DYNC2H1: variants seen among roughly 807,000 people sequenced by gnomAD.
DYNC2H1 encodes the protein dynein cytoplasmic 2 heavy chain 1.
In DYNC2H1, 410 loss-of-function variants were observed where a neutral mutation model predicts 570.0. The ratio of observed to expected loss-of-function variants is 0.72; its 90% CI spans 0.66 to 0.78. The LOEUF (loss-of-function observed/expected upper bound fraction) is 0.78. Ranked by LOEUF, DYNC2H1 falls within the 30% of genes least tolerant of loss-of-function variation. The pLI is 0.00. For missense variants in DYNC2H1, 4,865 were observed against 5,046.4 expected (o/e 0.96, Z 1.09); for synonymous variants, 1,688 against 1,677.6 (o/e 1.01, Z -0.15).
intron 84 of DYNC2H1, among the ~76,000 whole-genome samples, chr11:103,428,185 C>G (rs1328474330): frequency 7.4e-6 from 1 of 134,730 alleles, no homozygotes; most frequent in Non-Finnish European, 1.6e-5. Flanking sequence ...ATAACATGAG[C>G]TTTTTTTTTT....
In DYNC2H1 at chr11:103,327,508, T is replaced by G. The variant is rs186384097; in HGVS notation, c.12039+3518T>G. ...ATCAATAGAAGTTCAAAACCTTCTC[T>G]TGAAAGTTCTATTATTAACAGAACA... On this transcript the variant is annotated intron_variant, in intron 82 of 88. Coordinates refer to ENST00000375735, the MANE Select transcript of DYNC2H1 (RefSeq NM_001377.3). Among the ~76,000 whole-genome samples, 204 of 152,296 alleles carry G rather than the reference T, an allele frequency of 1.3e-3. 3 individuals carry two copies. The highest frequency in any genetic ancestry group is 4.5e-3 in the African/African-American group (187 of 41,572).
rs376537087 is a variant in DYNC2H1, at chr11:103,243,921, T to C, written c.9918+130T>C. ...TGTATGGGACCTTGGGCGAGAGATA[T>C]AACTCTTAGCTTCAGTTTTCTAATT... On this transcript the variant is annotated intron_variant, in intron 64 of 88. Transcript: ENST00000375735. This position sits in a 1 kb window ranked among gnomAD's most constrained non-coding sequence, Gnocchi z 4.8. The C allele has an allele frequency of 3.4e-5, 18 of 529,368 alleles. 1 individual carries two copies. In the South Asian group the frequency reaches 6.9e-4, roughly 20 times the overall value. 32.8% of individuals were successfully genotyped at this position (529,368 alleles called of 1,614,324 possible).
intron 18 of DYNC2H1, among the ~76,000 whole-genome samples, chr11:103,147,558 G>C (rs905833736): frequency 1.3e-5 from 2 of 151,988 alleles, no homozygotes; most frequent in African/African-American, 4.8e-5. Flanking sequence ...TAAACTTCTA[G>C]TATTGTAACA....
chr11:103,273,915 A>G (rs1452499565), intron 70 of DYNC2H1, among the ~76,000 whole-genome samples: 1 of 152,142 alleles, frequency 6.6e-6, no homozygotes, highest in Non-Finnish European at 1.5e-5. Flanking sequence ...TTGTCTACAT[A>G]TTATGTGCCT....
In DYNC2H1 at chr11:103,355,336, C is replaced by T. The variant is rs935955343; in HGVS notation, c.12040-2907C>T. 3.3e-5 allele frequency among the ~76,000 whole-genome samples: 5 copies of T among 151,876 alleles called. No homozygotes were observed. The South Asian group carries it at 6.2e-4, about 19-fold the overall frequency. On this transcript the variant is annotated intron_variant, in intron 82 of 88. Coordinates refer to ENST00000375735, the MANE Select transcript of DYNC2H1 (RefSeq NM_001377.3). ...TCTTATTCCAAAAAAGAATTACTGG[C>T]AGTGACTAACAAAAATGTAAATAAT...
chr11:103,283,034 G>T lies in DYNC2H1; in HGVS notation c.10839G>T (p.Gln3613His), dbSNP rs1405296143. ...ACTCTCAACAAAAAATACGTGATCA[G>T]CTTCCGTCTTGGATAGATCAGGAAC... ...KADSQQKIRDQLPSWIDQERS... is the reference protein window; with the variant it reads ...KADSQQKIRDHLPSWIDQERS... The change falls in exon 73 of 89, where the codon CAG (glutamine) becomes CAT (histidine). Residue 3613 changes from glutamine to histidine, a missense_variant. Gln to His is a conservative substitution (Grantham distance 24). This residue lies in a region of DYNC2H1 where 2,401 missense variants were observed against 2,454.6 expected (regional missense o/e 0.98). Transcript: ENST00000375735. 2 of 1,604,948 alleles carry T rather than the reference G, an allele frequency of 1.2e-6. No individual in the cohort carries two copies. The highest frequency in any genetic ancestry group is 8.5e-7 in the Non-Finnish European group (1 of 1,175,658).
intron 82 of DYNC2H1, among the ~76,000 whole-genome samples, chr11:103,341,566 A>T (rs1212808878): frequency 1.3e-5 from 2 of 152,062 alleles, no homozygotes; most frequent in African/African-American, 4.8e-5. Flanking sequence ...TGGAATCTAT[A>T]TTTTTTTACA....
chr11:103,443,068 T>C (rs1188658279), intron 85 of DYNC2H1, among the ~76,000 whole-genome samples: 1 of 151,922 alleles, frequency 6.6e-6, no homozygotes, highest in African/African-American at 2.4e-5. Flanking sequence ...GTATGCCATA[T>C]ACTTTTATTT....
chr11:103,143,475 A>G, intron 18 of DYNC2H1, 80 bp downstream of exon 18: 3 of 1,382,750 alleles, frequency 2.2e-6, no homozygotes, highest in Non-Finnish European at 9.5e-7. Context: ...ACTTAGTGGC[A>G]TTGAAGTCAC....
chr11:103,123,927 A>G (rs1858855042), intron 11 of DYNC2H1, among the ~76,000 whole-genome samples: 1 of 152,144 alleles, frequency 6.6e-6, no homozygotes, highest in Admixed American at 6.6e-5. Context: ...TTTGAAGATC[A>G]ATCCTGAATA....
At position 103,181,079 on chromosome 11, in the gene DYNC2H1, A is replaced by G. The variant is rs1405116148; in HGVS notation, c.6348-678A>G. 6.6e-6 allele frequency among the ~76,000 whole-genome samples: 1 copy of G among 151,518 alleles called. No individual in the cohort carries two copies. The highest frequency in any genetic ancestry group is 2.4e-5 in the African/African-American group (1 of 41,374). ...AATTTTGAATAAGATGTGAATCTCTATTATTTCACCAATTGGATTTTGGTG... is the reference window on the plus strand; with the variant it reads ...AATTTTGAATAAGATGTGAATCTCTGTTATTTCACCAATTGGATTTTGGTG... On this transcript the variant is annotated intron_variant, in intron 39 of 88. Coordinates refer to ENST00000375735, the MANE Select transcript of DYNC2H1 (RefSeq NM_001377.3). This position sits in a 1 kb window ranked among gnomAD's most constrained non-coding sequence, Gnocchi z 5.0.
chr11:103,173,265 G>C lies in DYNC2H1; in HGVS notation c.5518G>C (p.Val1840Leu). 2 of 1,588,396 alleles carry C rather than the reference G, an allele frequency of 1.3e-6. No individual in the cohort carries two copies. Among genetic ancestry groups the C allele is most frequent in the Non-Finnish European group, 1.7e-6 (2 of 1,168,824 alleles). The change falls in exon 35 of 89, where the codon GTA becomes CTA. Residue 1840 changes from valine to leucine, a missense_variant. Physicochemically the swap from Val to Leu is conservative, Grantham distance 32. Coordinates refer to ENST00000375735, the MANE Select transcript of DYNC2H1 (RefSeq NM_001377.3). The stretch of plus-strand genomic sequence containing the variant: ...TTCGGAAGGCTTTAAAGACGCTAAA[G>C]TATTGAGCAGAAAATTGGTAGCTAT... ...LYSEGFKDAK[V>L]LSRKLVAIFN... is the part of the protein sequence containing the mutation.
intron 1 of DYNC2H1, among the ~76,000 whole-genome samples, chr11:103,111,171 A>T (rs568419361): frequency 1.3e-5 from 2 of 152,178 alleles, no homozygotes; most frequent in Non-Finnish European, 2.9e-5. Flanking sequence ...CCTATTCACT[A>T]TCTTTATTCT....
At chr11:103,310,655 A>G (rs986308399) in intron 78 of DYNC2H1, among the ~76,000 whole-genome samples, 12 of 140,200 alleles carry the variant, frequency 8.6e-5, no homozygotes, top group Non-Finnish European at 1.5e-4. Flanking sequence ...GGTACTTAAT[A>G]CTTCAGTAGT....
At chr11:103,459,382 G>A (rs533468202) in intron 87 of DYNC2H1, among the ~76,000 whole-genome samples, 1 of 146,952 alleles carries the variant, frequency 6.8e-6, no homozygotes, top group East Asian at 2.0e-4. Flanking sequence ...ATTTGTTTTC[G>A]TATTACTACT....
Position 103,268,510 on chromosome 11 carries a change from G to A in DYNC2H1, c.10695+8533G>A, listed in dbSNP as rs934325023. Among the ~76,000 whole-genome samples the A allele has an allele frequency of 4.0e-5, 6 of 151,778 alleles. No homozygotes were observed. Among genetic ancestry groups the A allele is most frequent in the Non-Finnish European group, 8.8e-5 (6 of 67,816 alleles). On this transcript the variant is annotated intron_variant, in intron 70 of 88. Transcript: ENST00000375735. The surrounding 1 kb of genome is among the most constrained non-coding windows in gnomAD (Gnocchi z 4.6). ...ATTTGTATGAGTAGTTTTTTTAAAT[G>A]TAGTTTTAATCTGTTTTATTTTCTA...
In DYNC2H1 at chr11:103,186,315, G is replaced by T. The variant is rs773343198; in HGVS notation, c.6707G>T (p.Gly2236Val). Residue 2236 changes from glycine (G) to valine (V), a missense_variant, in exon 42 of 89, where the codon GGT becomes GTT. This residue lies in a region of DYNC2H1 where 2,401 missense variants were observed against 2,454.6 expected (regional missense o/e 0.98). Transcript: ENST00000375735. This position sits in a 1 kb window ranked among gnomAD's most constrained non-coding sequence, Gnocchi z 4.5. ...PMDTYYDSTR[G>V]RLATYVLKKP... ...GATACCTACTATGACTCTACTAGGG[G>T]TCGATTAGCAACATATGTGCTTAAG... 1.2e-6 allele frequency: 2 copies of T among 1,612,566 alleles called. No individual in the cohort carries two copies. The highest frequency in any genetic ancestry group is 1.7e-6 in the Non-Finnish European group (2 of 1,179,122).
intron 38 of DYNC2H1, 121 bp from the exon 39 acceptor site, chr11:103,178,905 T>A: frequency 1.0e-6 from 1 of 973,730 alleles, no homozygotes; most frequent in Non-Finnish European, 1.5e-6. Flanking sequence ...TGCGCATGGG[T>A]TCTTCAGCAT....
At chr11:103,333,290 G>C (rs1938922060) in intron 82 of DYNC2H1, among the ~76,000 whole-genome samples, 1 of 152,152 alleles carries the variant, frequency 6.6e-6, no homozygotes, top group Non-Finnish European at 1.5e-5. Context: ...TTGAGACAGA[G>C]TCTCACTCTG....
Sources: gnomAD v4.1 joint callset for allele counts (sites outside exome capture counted in the v4.1 genomes callset) on GRCh38, gnomAD v4.1.1 for gene constraint, gnomAD v4.1.1 regional missense constraint, Gnocchi (gnomAD v3.1) non-coding constraint, MANE v1.5 for transcripts, NCBI Gene and HGNC (gene_info 2026-07-23, HGNC 2026-07-21) for gene names.